MSRA: variants seen among roughly 807,000 people sequenced by gnomAD.
MSRA encodes the protein mitochondrial peptide methionine sulfoxide reductase.
MSRA carries 54 observed loss-of-function variants against 31.3 expected under a neutral mutation model. The observed-to-expected ratio is 1.73, with a 90% CI of 1.39 to 2.17. MSRA has a LOEUF of 2.17. Ranked by LOEUF, MSRA falls within the 30% of genes most tolerant of loss-of-function variation. The pLI is 0.00. For synonymous variants in MSRA, 169 were observed against 116.5 expected (o/e 1.45, Z -2.90); for missense variants, 507 against 300.9 (o/e 1.69, Z -5.07).
chr8:10,162,980 C>T lies in MSRA; in HGVS notation c.143-44853C>T, dbSNP rs535121344. Among the ~76,000 whole-genome samples the T allele has an allele frequency of 7.2e-5, 11 of 152,256 alleles. No individual in the cohort carries two copies. The South Asian group carries it at 1.9e-3, about 26-fold the overall frequency. ...AGGTTGAAATCCTAGCCCACAAATT[C>T]GTAAGTTAGTATTTGGGGAGGGGGC... On this transcript the variant is annotated intron_variant, in intron 1 of 5. Coordinates refer to ENST00000317173, the MANE Select transcript of MSRA (RefSeq NM_012331.5).
chr8:10,064,938 A>C (rs1323399390), intron 1 of MSRA, among the ~76,000 whole-genome samples: 5 of 152,108 alleles, frequency 3.3e-5, no homozygotes, highest in Admixed American at 6.5e-5. Context: ...GAAGTAAAAA[A>C]TTTTGAATGC....
At chr8:10,136,281 C>G (rs1156402016) in intron 1 of MSRA, among the ~76,000 whole-genome samples, 1 of 152,190 alleles carries the variant, frequency 6.6e-6, no homozygotes, top group Non-Finnish European at 1.5e-5. Context: ...CCTTATCTAT[C>G]TCAACTAGCT....
chr8:10,067,307 A>G (rs915930224), intron 1 of MSRA, among the ~76,000 whole-genome samples: 6 of 152,152 alleles, frequency 3.9e-5, no homozygotes, highest in African/African-American at 1.2e-4. Context: ...CTTTCACTTA[A>G]CAATATGATT....
At chr8:10,252,650 G>T (rs1797976763) in intron 3 of MSRA, among the ~76,000 whole-genome samples, 1 of 152,178 alleles carries the variant, frequency 6.6e-6, no homozygotes. Context: ...TCCTGGCCTG[G>T]GCTGGGGACT....
chr8:10,111,765 C>G (rs1208114258), intron 1 of MSRA, among the ~76,000 whole-genome samples: 1 of 152,166 alleles, frequency 6.6e-6, no homozygotes, highest in Non-Finnish European at 1.5e-5. Flanking sequence ...GAGAGAACTT[C>G]TTTTGGTTCA....
chr8:10,360,626 G>C (rs1804791572), intron 5 of MSRA, among the ~76,000 whole-genome samples: 1 of 152,216 alleles, frequency 6.6e-6, no homozygotes, highest in South Asian at 2.1e-4. Flanking sequence ...TTCGATAAAT[G>C]TTTGTAGCAT....
chr8:10,081,676 G>C (rs1240955120), intron 1 of MSRA, among the ~76,000 whole-genome samples: 1 of 152,100 alleles, frequency 6.6e-6, no homozygotes. Flanking sequence ...TTTTAGTAGA[G>C]ACGGGGTTTC....
chr8:10,398,582 G>A (rs919071197), intron 5 of MSRA, among the ~76,000 whole-genome samples: 2 of 152,300 alleles, frequency 1.3e-5, no homozygotes, highest in African/African-American at 2.4e-5. Flanking sequence ...GGTGCCCCAC[G>A]CTCTGTGCTG....
chr8:10,196,577 T>G (rs1042309038), intron 1 of MSRA, among the ~76,000 whole-genome samples: 8 of 152,272 alleles, frequency 5.3e-5, no homozygotes, highest in Admixed American at 1.3e-4. Context: ...TGAGACAGAT[T>G]ATCGCTCTGT....
intron 4 of MSRA, among the ~76,000 whole-genome samples, chr8:10,303,055 C>G (rs1800933121): frequency 6.6e-6 from 1 of 152,230 alleles, no homozygotes; most frequent in African/African-American, 2.4e-5. Context: ...CCAGATGGAG[C>G]AGACGTTCAG....
intron 3 of MSRA, among the ~76,000 whole-genome samples, chr8:10,288,980 C>CT (rs61082051): frequency 1.2e-3 from 175 of 147,550 alleles, no homozygotes; most frequent in Admixed American, 1.6e-3. Flanking sequence ...AGTGCCATTT[C>CT]TTTTTTTTTT....
chr8:10,427,709 C>T lies in MSRA; in HGVS notation c.544-439C>T, dbSNP rs777650451. On this transcript the variant is annotated intron_variant, in intron 5 of 5. Coordinates refer to ENST00000317173, the MANE Select transcript of MSRA (RefSeq NM_012331.5). ...TCTGTCCATCCCTACCCTGTCCACCCGTTTCATTCCCTCCCACTGTGGCCC... is the reference window on the plus strand; with the variant it reads ...TCTGTCCATCCCTACCCTGTCCACCTGTTTCATTCCCTCCCACTGTGGCCC... Among the ~76,000 whole-genome samples the T allele has an allele frequency of 7.9e-5, 12 of 152,258 alleles. No individual in the cohort carries two copies. In the East Asian group the frequency reaches 9.7e-4, roughly 12 times the overall value.
intron 2 of MSRA, among the ~76,000 whole-genome samples, chr8:10,210,897 CT>C (rs373960775): frequency 1.6e-3 from 226 of 144,996 alleles, no homozygotes; most frequent in Non-Finnish European, 1.6e-3. Context: ...CCACGCTCAC[CT>C]TTTTTTTTTT....
chr8:10,060,400 AG>A (rs1324791390), intron 1 of MSRA, among the ~76,000 whole-genome samples: 1 of 152,238 alleles, frequency 6.6e-6, no homozygotes, highest in East Asian at 1.9e-4. Flanking sequence ...TGTGAACAGA[AG>A]GGAAAATAAT....
intron 1 of MSRA, among the ~76,000 whole-genome samples, chr8:10,138,846 C>T (rs1390584650): frequency 1.3e-5 from 2 of 152,140 alleles, no homozygotes; most frequent in African/African-American, 2.4e-5. Flanking sequence ...GATTTGGATT[C>T]ACTCTTAAAA....
At chr8:10,343,312 T>TA (rs1803560678) in intron 5 of MSRA, among the ~76,000 whole-genome samples, 1 of 152,190 alleles carries the variant, frequency 6.6e-6, no homozygotes, top group Non-Finnish European at 1.5e-5. Flanking sequence ...TCGGATGTAA[T>TA]TAGTTTACAT....
chr8:10,128,011 A>G (rs1398869370), intron 1 of MSRA, among the ~76,000 whole-genome samples: 1 of 151,916 alleles, frequency 6.6e-6, no homozygotes, highest in Non-Finnish European at 1.5e-5. Context: ...ACCGTGGTGC[A>G]TTTCCAGAGA....
intron 1 of MSRA, among the ~76,000 whole-genome samples, chr8:10,151,492 A>G (rs1262588832): frequency 6.6e-6 from 1 of 151,852 alleles, no homozygotes; most frequent in Non-Finnish European, 1.5e-5. Context: ...AAATACAAAA[A>G]ATAAAAAATT....
Position 10,398,369 on chromosome 8 carries a change from G to T in MSRA, c.544-29779G>T, listed in dbSNP as rs549472908. 1.2e-3 allele frequency among the ~76,000 whole-genome samples: 188 copies of T among 152,310 alleles called. 1 individual carries two copies. The highest frequency in any genetic ancestry group is 2.2e-3 in the Non-Finnish European group (149 of 68,024). ...TAGCTCAGCTTTAGAGCAGGTCAGG[G>T]TGGCTCCTCTGGTCCCTTGCCGAGA... is the stretch of plus-strand genomic sequence containing the variant. On this transcript the variant is annotated intron_variant, in intron 5 of 5. Transcript: ENST00000317173.
Sources: gnomAD v4.1 joint callset for allele counts (sites outside exome capture counted in the v4.1 genomes callset) on GRCh38, gnomAD v4.1.1 for gene constraint, MANE v1.5 for transcripts, NCBI Gene and HGNC (gene_info 2026-07-23, HGNC 2026-07-21) for gene names.